The following PRKCA variants were observed in gnomAD, a reference collection of about 807,000 sequenced individuals.
PRKCA encodes the protein protein kinase C alpha type.
A neutral mutation model predicts 87.0 loss-of-function variants in PRKCA; 27 were observed. The ratio of observed to expected loss-of-function variants is 0.31; its 90% CI spans 0.23 to 0.43. The LOEUF (loss-of-function observed/expected upper bound fraction) is 0.43, where lower values mean the gene tolerates loss of function less well. Among genes scored for constraint, PRKCA ranks in the 20% least tolerant of loss-of-function variants. PRKCA has a pLI of 1.00. For missense variants in PRKCA, 518 were observed against 852.3 expected, an observed-to-expected ratio of 0.61 and a Z score of 4.88; for synonymous variants, 329 against 311.1, an observed-to-expected ratio of 1.06 and a Z score of -0.61.
chr17:66,764,249 A>G (rs575281331), intron 13 of PRKCA, among the ~76,000 whole-genome samples: 4 of 152,334 alleles, frequency 2.6e-5, no homozygotes, highest in South Asian at 2.1e-4. Context: ...GCTACTGTCA[A>G]TATTGCCAGT....
intron 5 of PRKCA, among the ~76,000 whole-genome samples, chr17:66,685,212 C>T (rs1464771017): frequency 2.6e-5 from 4 of 152,074 alleles, no homozygotes; most frequent in Non-Finnish European, 5.9e-5. Flanking sequence ...ATTTTATAAA[C>T]ATTATTTTAT....
chr17:66,621,956 A>G (rs1970694765), intron 3 of PRKCA, among the ~76,000 whole-genome samples: 2 of 152,176 alleles, frequency 1.3e-5, no homozygotes, highest in African/African-American at 4.8e-5. Flanking sequence ...AATCCCAGCA[A>G]TTTGGGCGTC....
chr17:66,721,010 A>G (rs1401986195), intron 8 of PRKCA, among the ~76,000 whole-genome samples: 1 of 152,186 alleles, frequency 6.6e-6, no homozygotes, highest in Non-Finnish European at 1.5e-5. Flanking sequence ...CCCAATCCAG[A>G]CCCCAAGAGA....
chr17:66,442,270 T>TG (rs1260219720), intron 2 of PRKCA, among the ~76,000 whole-genome samples: 1 of 151,518 alleles, frequency 6.6e-6, no homozygotes, highest in African/African-American at 2.4e-5. Flanking sequence ...CTGGCCAGGC[T>TG]GGTCTTGAAC....
At chr17:66,405,764 A>G (rs1333576621) in intron 2 of PRKCA, among the ~76,000 whole-genome samples, 3 of 152,190 alleles carry the variant, frequency 2.0e-5, no homozygotes, top group Non-Finnish European at 4.4e-5. Context: ...AATGGAGAAG[A>G]TGGAAGGTTC....
intron 8 of PRKCA, among the ~76,000 whole-genome samples, chr17:66,691,206 A>T (rs1972778562): frequency 6.6e-6 from 1 of 152,338 alleles, no homozygotes; most frequent in Non-Finnish European, 1.5e-5. Flanking sequence ...TTTAGACACC[A>T]GTAGGATTCA....
At chr17:66,551,351 G>T (rs893789163) in intron 3 of PRKCA, among the ~76,000 whole-genome samples, 1 of 152,260 alleles carries the variant, frequency 6.6e-6, no homozygotes, top group African/African-American at 2.4e-5. Flanking sequence ...ACATAAGGCT[G>T]CAATCAAGGT....
intron 2 of PRKCA, among the ~76,000 whole-genome samples, chr17:66,482,016 A>G (rs1239824031): frequency 6.9e-6 from 1 of 144,990 alleles, no homozygotes; most frequent in Non-Finnish European, 1.5e-5. Flanking sequence ...CAGGAGAATC[A>G]CTTGAACCTG....
In PRKCA at chr17:66,645,518, C is replaced by T. The variant is rs1267730677; in HGVS notation, c.529+7C>T. On this transcript the variant is annotated splice_region_variant and intron_variant, in intron 5 of 16. Coordinates refer to ENST00000413366, the MANE Select transcript of PRKCA (RefSeq NM_002737.3). ...GAAAAGCTCCATGTCACAGGTAAGG[C>T]TTGCTCATCCCGGAGCAGCATCGTG... The T allele has an allele frequency of 6.2e-7, 1 of 1,614,088 alleles. No individual in the cohort carries two copies.
intron 16 of PRKCA, among the ~76,000 whole-genome samples, chr17:66,798,426 T>A (rs1598953030): frequency 2.2e-5 from 3 of 136,464 alleles, no homozygotes; most frequent in Non-Finnish European, 4.7e-5. Flanking sequence ...GTGGTGGTGG[T>A]GGTGGTGACG....
intron 2 of PRKCA, among the ~76,000 whole-genome samples, chr17:66,455,738 C>A (rs903212553): frequency 1.3e-5 from 2 of 152,146 alleles, no homozygotes; most frequent in Admixed American, 1.3e-4. Context: ...CAGTGCCTGC[C>A]TGCCTTCTGC....
In PRKCA at chr17:66,804,199, G is replaced by T; in HGVS notation, c.*162G>T. 1.1e-6 allele frequency: 1 copy of T among 944,390 alleles called. No individual in the cohort carries two copies. Among genetic ancestry groups the T allele is most frequent in the Non-Finnish European group, 1.5e-6 (1 of 664,730 alleles). 58.5% of individuals were successfully genotyped at this position (944,390 alleles called of 1,614,324 possible). On this transcript the variant is annotated 3_prime_UTR_variant, in exon 17 of 17. Transcript: ENST00000413366. ...AGTCCAAATGTGATCAACTGTTCAG[G>T]GTCTCTCTCTTACAACCAAGAACAT...
At chr17:66,628,147 G>A (rs2091196353) in intron 3 of PRKCA, among the ~76,000 whole-genome samples, 1 of 151,752 alleles carries the variant, frequency 6.6e-6, no homozygotes, top group Admixed American at 6.6e-5. Context: ...ACCACAAGCA[G>A]CTTGATCAAA....
chr17:66,587,899 A>ATG, intron 3 of PRKCA, among the ~76,000 whole-genome samples: 1 of 38,262 alleles, frequency 2.6e-5, no homozygotes, highest in South Asian at 6.5e-4. Flanking sequence ...GTGTGTGTAT[A>ATG]TATATATATA....
intron 3 of PRKCA, among the ~76,000 whole-genome samples, chr17:66,578,199 C>T (rs1173815482): frequency 4.6e-5 from 7 of 150,936 alleles, no homozygotes; most frequent in South Asian, 2.1e-4. Context: ...CCTTTCATCT[C>T]GTCTGTCCCA....
intron 3 of PRKCA, among the ~76,000 whole-genome samples, chr17:66,579,747 T>C (rs771367032): frequency 2.6e-4 from 40 of 152,042 alleles, no homozygotes; most frequent in Non-Finnish European, 4.4e-4. Context: ...GGCAGGGCCA[T>C]GGAGATGGTT....
intron 2 of PRKCA, among the ~76,000 whole-genome samples, chr17:66,482,581 A>C (rs537083697): frequency 6.6e-6 from 1 of 152,204 alleles, no homozygotes; most frequent in Admixed American, 6.5e-5. Flanking sequence ...GTGGCTGTAT[A>C]TTATTTGTGT....
At chr17:66,414,054 A>G (rs989170140) in intron 2 of PRKCA, among the ~76,000 whole-genome samples, 20 of 151,842 alleles carry the variant, frequency 1.3e-4, no homozygotes, top group African/African-American at 4.6e-4. Flanking sequence ...CGAAAGATGC[A>G]TATAAATAGA....
At chr17:66,762,689 C>G (rs145167271) in intron 13 of PRKCA, among the ~76,000 whole-genome samples, 1 of 152,314 alleles carries the variant, frequency 6.6e-6, no homozygotes, top group African/African-American at 2.4e-5. Flanking sequence ...GACCTGAGGC[C>G]TCTCTCTTCC....
Sources: gnomAD v4.1 joint callset for allele counts (sites outside exome capture counted in the v4.1 genomes callset) on GRCh38, gnomAD v4.1.1 for gene constraint, MANE v1.5 for transcripts, NCBI Gene and HGNC (gene_info 2026-07-23, HGNC 2026-07-21) for gene names.